YIPF5: variants seen among roughly 807,000 people sequenced by gnomAD.
The protein encoded by YIPF5 is Yip1 domain family member 5, also known as protein YIPF5.
YIPF5 carries 8 observed loss-of-function variants against 30.4 expected under a neutral mutation model. The ratio of observed to expected loss-of-function variants is 0.26; its 90% CI spans 0.15 to 0.47. The LOEUF (loss-of-function observed/expected upper bound fraction) is 0.47, where lower values mean the gene tolerates loss of function less well. Among genes scored for constraint, YIPF5 ranks in the 20% least tolerant of loss-of-function variants. The pLI is 0.99. For missense variants in YIPF5, 282 were observed against 301.8 expected, an observed-to-expected ratio of 0.93 and a Z score of 0.49; for synonymous variants, 104 against 107.9, an observed-to-expected ratio of 0.96 and a Z score of 0.23.
chr5:144,163,860 CTATT>C, intron 4 of YIPF5: 1 of 302,114 alleles, frequency 3.3e-6, no homozygotes, highest in Non-Finnish European at 5.9e-6. Flanking sequence ...CTGTTGTTTA[CTATT>C]TTTTTTTTGT....
At chr5:144,160,594 A>G in intron 5 of YIPF5, 35 bp from the exon 6 acceptor site, 1 of 1,560,480 alleles carries the variant, frequency 6.4e-7, no homozygotes, top group Non-Finnish European at 8.7e-7. Flanking sequence ...GGAGAAGAAA[A>G]AAAAGCAGAT....
Position 144,160,199 on chromosome 5 carries a change from C to A in YIPF5, c.*198G>T. On this transcript the variant is annotated 3_prime_UTR_variant, in exon 6 of 6. Transcript: ENST00000274496. ...ATAAACACAAACATTTAAAGCTAGT[C>A]ACACCGCAGGTAAATCCAATATAGT... 1 of 1,320,836 alleles carries A rather than the reference C, an allele frequency of 7.6e-7. No individual in the cohort carries two copies. The highest frequency in any genetic ancestry group is 2.5e-5 in the South Asian group (1 of 39,862). The allele number at this position is 1,320,836 out of a possible 1,614,324, so 81.8% of individuals were successfully genotyped here. A position where few individuals can be genotyped will look rare whatever the true frequency, so the allele number is the denominator to read the frequency against.
At chr5:144,164,783 G>C (rs958331268) in intron 3 of YIPF5, among the ~76,000 whole-genome samples, 4 of 152,064 alleles carry the variant, frequency 2.6e-5, no homozygotes, top group African/African-American at 9.7e-5. Context: ...CTGGATTGGT[G>C]TTGGAAAAGG....
intron 5 of YIPF5, among the ~76,000 whole-genome samples, 183 bp downstream of exon 5, chr5:144,162,035 A>AG (rs1464357786): frequency 6.6e-6 from 1 of 152,212 alleles, no homozygotes; most frequent in Non-Finnish European, 1.5e-5. Flanking sequence ...GATGGTATAA[A>AG]GGTTTTTAAA....
rs1260994699 is a variant in YIPF5, at chr5:144,159,539, C to CA, written c.*857dup. ...AACTTCCCGTATCTCTGAATTTTAGCAAAAATTCCATGAGATAATTTACAG... is the reference window on the plus strand; with the variant it reads ...AACTTCCCGTATCTCTGAATTTTAGCAAAAAATTCCATGAGATAATTTACAG... On this transcript the variant is annotated 3_prime_UTR_variant, in exon 6 of 6. Transcript: ENST00000274496. 8 of 985,148 alleles carry CA rather than the reference C, an allele frequency of 8.1e-6. No homozygotes were observed. The East Asian group carries it at 9.1e-4, about 112-fold the overall frequency. The allele number at this position is 985,148 out of a possible 1,614,324, so 61.0% of individuals were successfully genotyped here.
At position 144,158,461 on chromosome 5, in the gene YIPF5, A is replaced by G. The variant is rs1157220716; in HGVS notation, c.*1936T>C. 7.9e-7 allele frequency: 1 copy of G among 1,273,456 alleles called. No individual in the cohort carries two copies. The highest frequency in any genetic ancestry group is 1.5e-5 in the African/African-American group (1 of 64,738). The allele number at this position is 1,273,456 out of a possible 1,614,324, so 78.9% of individuals were successfully genotyped here. The stretch of plus-strand genomic sequence containing the variant: ...AACAAAAAAGAAAATAATTTGATCC[A>G]TATGTGATATTTGGCTGAAGATTAA... On this transcript the variant is annotated 3_prime_UTR_variant, in exon 6 of 6. Transcript: ENST00000274496.
At chr5:144,160,897 G>C (rs1280713579) in intron 5 of YIPF5, among the ~76,000 whole-genome samples, 2 of 152,070 alleles carry the variant, frequency 1.3e-5, no homozygotes, top group Admixed American at 1.3e-4. Context: ...AGAATGTTCA[G>C]CAGCATCCCT....
At chr5:144,165,685 T>A in intron 2 of YIPF5, 81 bp from the exon 3 acceptor site, 3 of 1,400,184 alleles carry the variant, frequency 2.1e-6, no homozygotes, top group Non-Finnish European at 2.9e-6. Flanking sequence ...TAAATTTTCA[T>A]GTGACAGCTA....
chr5:144,160,588 A>T (rs1347675783), intron 5 of YIPF5, 29 bp from the exon 6 acceptor site: 1 of 1,572,910 alleles, frequency 6.4e-7, no homozygotes, highest in Non-Finnish European at 8.7e-7. Flanking sequence ...AAGGGGGGAG[A>T]AGAAAAAAAA....
rs774484387 is a variant in YIPF5 at position 144,165,494 on chromosome 5, G to A, written c.221C>T (p.Thr74Ile). 3 of 1,614,184 alleles carry A rather than the reference G, an allele frequency of 1.9e-6. No individual in the cohort carries two copies. The highest frequency in any genetic ancestry group is 2.5e-6 in the Non-Finnish European group (3 of 1,180,024). ...ATAGAAAGGCTGAGGTGAAGCTGGA[G>A]TATATGCCTGAGTTGGCTGGTAAAT... The part of the protein sequence containing the change: ...GQIYQPTQAY[T>I]PASPQPFYGN... Residue 74 changes from threonine (T) to isoleucine (I), a missense_variant, in exon 3 of 6, where the codon ACT becomes ATT. By Grantham distance (89) the Thr-to-Ile change is moderately conservative (BLOSUM62 -1). Coordinates refer to ENST00000274496, the MANE Select transcript of YIPF5 (RefSeq NM_030799.9).
intron 3 of YIPF5, among the ~76,000 whole-genome samples, chr5:144,165,151 C>T (rs4478353): frequency 0.23 from 35,194 of 152,082 alleles, 4,213 homozygotes; most frequent in East Asian, 0.4. Flanking sequence ...TTTCTTCTCA[C>T]TTTTCCCACT....
intron 5 of YIPF5, among the ~76,000 whole-genome samples, chr5:144,161,467 C>A (rs1438551631): frequency 1.3e-5 from 2 of 151,288 alleles, no homozygotes; most frequent in Non-Finnish European, 2.9e-5. Context: ...GCCTCAGCCT[C>A]CCGAGTAGCT....
Position 144,162,232 on chromosome 5 carries a change from C to T in YIPF5, c.597G>A (p.Val199=). Residue 199 remains valine, a synonymous_variant, in exon 5 of 6, where the codon GTG becomes GTA. Coordinates refer to ENST00000274496, the MANE Select transcript of YIPF5 (RefSeq NM_030799.9). ...LPMILLSSFA[V]IFSLQGMVGI... Reference sequence around the variant, plus strand: ...ACAGTACTTACTGCAAAGAAAATATCACTGCAAAGCTGGAAAGTAGGATCA... The same window carrying T: ...ACAGTACTTACTGCAAAGAAAATATTACTGCAAAGCTGGAAAGTAGGATCA... The T allele has an allele frequency of 1.9e-6, 3 of 1,613,638 alleles. No individual in the cohort carries two copies. Among genetic ancestry groups the T allele is most frequent in the Non-Finnish European group, 1.7e-6 (2 of 1,179,770 alleles).
At position 144,159,718 on chromosome 5, in the gene YIPF5, T is replaced by TTC; in HGVS notation, c.*678_*679insGA. ...AGTCTTGTGTCTCCTTTTTTTTTTT[T>TTC]TTTTGAGACAGAGTCTCACCCTGTC... On this transcript the variant is annotated 3_prime_UTR_variant, in exon 6 of 6. Coordinates refer to ENST00000274496, the MANE Select transcript of YIPF5 (RefSeq NM_030799.9). The TTC allele has an allele frequency of 1.0e-6, 1 of 979,774 alleles. No individual in the cohort carries two copies. The highest frequency in any genetic ancestry group is 1.2e-6 in the Non-Finnish European group (1 of 825,212). 60.7% of individuals were successfully genotyped at this position (979,774 alleles called of 1,614,324 possible).
chr5:144,169,948 C>A lies in YIPF5; in HGVS notation c.8G>T (p.Gly3Val), dbSNP rs764146811. The A allele has an allele frequency of 5.0e-6, 8 of 1,613,704 alleles. No homozygotes were observed. The South Asian group carries it at 7.7e-5, about 16-fold the overall frequency. Residue 3 changes from glycine to valine, a missense_variant, in exon 2 of 6, where the codon GGC (glycine) becomes GTC (valine). Physicochemically the swap from Gly to Val is moderately radical, Grantham distance 109. Transcript: ENST00000274496. The stretch of plus-strand genomic sequence containing the variant: ...GAAATCCGTGTTTAAGTTTTCAAAG[C>A]CTGACATTGCAAATAATCTGTAATA... Reference protein sequence around the residue: MSGFENLNTDFYQ... With the variant: MSVFENLNTDFYQ...
intron 5 of YIPF5, 31 bp from the exon 6 acceptor site, chr5:144,160,590 G>GA: frequency 2.3e-5 from 35 of 1,550,448 alleles, no homozygotes; most frequent in African/African-American, 2.8e-5. Context: ...GGGGGGAGAA[G>GA]AAAAAAAAGC....
At position 144,160,239 on chromosome 5, in the gene YIPF5, T is replaced by G; in HGVS notation, c.*158A>C. The G allele has an allele frequency of 6.9e-7, 1 of 1,450,618 alleles. No individual in the cohort carries two copies. 89.9% of individuals were successfully genotyped at this position (1,450,618 alleles called of 1,614,324 possible). A position where few individuals can be genotyped will look rare whatever the true frequency, so the allele number is the denominator to read the frequency against. On this transcript the variant is annotated 3_prime_UTR_variant, in exon 6 of 6. Transcript: ENST00000274496. ...TCCAATATAGTATGCAAAAGTTCTA[T>G]AAAAATGAACAAGAGATACACGTTT...
intron 3 of YIPF5, 97 bp from the exon 4 acceptor site, chr5:144,164,353 T>A: frequency 2.8e-6 from 3 of 1,079,322 alleles, no homozygotes; most frequent in Admixed American, 2.6e-5. Context: ...TGACATAGCA[T>A]CAAAAAAGGA....
At chr5:144,160,981 A>C (rs964466409) in intron 5 of YIPF5, among the ~76,000 whole-genome samples, 6 of 152,154 alleles carry the variant, frequency 3.9e-5, no homozygotes, top group African/African-American at 1.4e-4. Flanking sequence ...TTGGAGGCAA[A>C]ATTGTTCCTA....
Sources: allele counts gnomAD v4.1 joint callset (sites outside exome capture counted in the v4.1 genomes callset), GRCh38; gene constraint gnomAD v4.1.1; transcripts MANE v1.5; gene names NCBI Gene and HGNC (gene_info 2026-07-23, HGNC 2026-07-21).